DCTN1: variants seen among roughly 807,000 people sequenced by gnomAD.
The protein encoded by DCTN1 is 150 kDa dynein-associated polypeptide.
In DCTN1, 61 loss-of-function variants were observed where a neutral mutation model predicts 161.2. The observed-to-expected ratio is 0.38, with a 90% CI of 0.31 to 0.47. The LOEUF is 0.47. DCTN1 is among the 20% of genes least tolerant of loss of function. The pLI is 0.99. For missense variants in DCTN1, 1,404 were observed against 1,623.7 expected (o/e 0.86, Z 2.33); for synonymous variants, 653 against 632.4 (o/e 1.03, Z -0.49).
chr2:74,372,361 G>A (rs746058615), intron 7 of DCTN1, among the ~76,000 whole-genome samples: 5 of 152,260 alleles, frequency 3.3e-5, no homozygotes, highest in African/African-American at 9.6e-5. Context: ...ACAACTCTTC[G>A]TCATCTCCCC....
chr2:74,390,527 T>C, intron 1 of DCTN1: 1 of 386,266 alleles, frequency 2.6e-6, no homozygotes, highest in Non-Finnish European at 5.6e-6. Context: ...TCGACTAGAC[T>C]CACAGAATTT....
chr2:74,380,335 T>C (rs1016041946), upstream of DCTN1: 1 of 548,208 alleles, frequency 1.8e-6, no homozygotes, highest in Non-Finnish European at 3.4e-6. Flanking sequence ...TCTAGACTTG[T>C]CAGGAACCGT....
chr2:74,364,560 G>C (rs2104403913), intron 26 of DCTN1: 1 of 231,788 alleles, frequency 4.3e-6, no homozygotes, highest in Non-Finnish European at 8.6e-6. Flanking sequence ...ACTATACTGA[G>C]TGACTAGACA....
At position 74,371,822 on chromosome 2, in the gene DCTN1, G is replaced by C. The variant is rs1401062564; in HGVS notation, c.454-94C>G. The stretch of plus-strand genomic sequence containing the variant: ...AGAATATGAGAATATGGCAAGGGAA[G>C]GAGACAGAAAAGGGAAAAAGCAGAA... On this transcript the variant is annotated intron_variant, in intron 7 of 31. Transcript: ENST00000628224. The C allele has an allele frequency of 3.8e-6, 4 of 1,045,788 alleles. No homozygotes were observed. The East Asian group carries it at 1.0e-4, about 26-fold the overall frequency. The allele number at this position is 1,045,788 out of a possible 1,614,324, so 64.8% of individuals were successfully genotyped here.
chr2:74,382,710 T>C (rs1216165888), upstream of DCTN1, among the ~76,000 whole-genome samples: 2 of 151,816 alleles, frequency 1.3e-5, no homozygotes, highest in East Asian at 1.9e-4. Flanking sequence ...TAAGAAATTA[T>C]AGACAGGAGA....
intron 16 of DCTN1, 29 bp downstream of exon 16, chr2:74,368,699 C>A: frequency 1.9e-6 from 3 of 1,614,240 alleles, no homozygotes; most frequent in Non-Finnish European, 2.5e-6. Context: ...CACTAGATTT[C>A]TGTGGAACAT....
chr2:74,380,464 G>C (rs1675466627), upstream of DCTN1: 2 of 478,278 alleles, frequency 4.2e-6, no homozygotes, highest in Non-Finnish European at 8.6e-6. Context: ...GCTGGAAGCA[G>C]TCTTGACACG....
rs766531179 is a variant in DCTN1, at chr2:74,370,206, T to C, written c.1267A>G (p.Ile423Val). 1.9e-6 allele frequency: 3 copies of C among 1,613,948 alleles called. No individual in the cohort carries two copies. The highest frequency in any genetic ancestry group is 2.5e-6 in the Non-Finnish European group (3 of 1,180,044). ...CAGACCTGCTCCTTGAGCTCATCAA[T>C]GGTGCTCTCTGCCTGGCTTAGCTCC... is the stretch of plus-strand genomic sequence containing the variant. ...QEELSQAEST[I>V]DELKEQVDAA... is the part of the protein sequence containing the mutation. The change falls in exon 12 of 32, where the codon ATT becomes GTT. Residue 423 changes from isoleucine (I) to valine (V), a missense_variant. By Grantham distance (29) the Ile-to-Val change is conservative. Transcript: ENST00000628224. This position sits in a 1 kb window ranked among gnomAD's most constrained non-coding sequence, Gnocchi z 4.4.
rs1573152954 is a variant in DCTN1 at position 74,366,822 on chromosome 2, A to C, written c.2427T>G (p.Asp809Glu). The C allele has an allele frequency of 1.2e-6, 2 of 1,614,250 alleles. No homozygotes were observed. The highest frequency in any genetic ancestry group is 1.1e-5 in the South Asian group (1 of 91,084). Residue 809 changes from aspartate to glutamate, a missense_variant, in exon 21 of 32, where the codon GAT becomes GAG. Coordinates refer to ENST00000628224, the MANE Select transcript of DCTN1 (RefSeq NM_004082.5). ...CCAGTGCAGCTGGGATCCCAGGAGC[A>C]TCTGTCCCTGGCATTCGCCTTCGGA... ...KKIRRRMPGT[D>E]APGIPAALAF...
At chr2:74,377,888 T>C in intron 2 of DCTN1, 112 bp downstream of exon 2, 2 of 1,528,408 alleles carry the variant, frequency 1.3e-6, no homozygotes, top group Non-Finnish European at 1.8e-6. Context: ...CCTTCCACTC[T>C]CCCAACCAGA....
chr2:74,372,488 C>G (rs1032109763), intron 7 of DCTN1, among the ~76,000 whole-genome samples: 1 of 152,220 alleles, frequency 6.6e-6, no homozygotes, highest in Non-Finnish European at 1.5e-5. Flanking sequence ...AAGTGCTGAG[C>G]CCCAAGGTCT....
At chr2:74,377,372 C>G in intron 4 of DCTN1, 60 bp downstream of exon 4, 2 of 1,440,904 alleles carry the variant, frequency 1.4e-6, no homozygotes, top group Non-Finnish European at 2.0e-6. Flanking sequence ...ACTGGGTATC[C>G]CTCCTCTTTC....
Position 74,372,909 on chromosome 2 carries a change from CAG to C in DCTN1, c.453+17_453+18del, listed in dbSNP as rs777845899. 1.9e-6 allele frequency: 3 copies of C among 1,613,868 alleles called. No homozygotes were observed. The highest frequency in any genetic ancestry group is 1.1e-5 in the South Asian group (1 of 91,074). ...TGTGTACACTCAGCAGTGGCTCACA[CAG>C]GGGCCTGTTTTCTCACCTTGGGTCG... On this transcript the variant is annotated intron_variant, in intron 7 of 31. Coordinates refer to ENST00000628224, the MANE Select transcript of DCTN1 (RefSeq NM_004082.5).
chr2:74,384,035 ACT>A (rs1270305349), upstream of DCTN1, among the ~76,000 whole-genome samples: 3 of 152,206 alleles, frequency 2.0e-5, no homozygotes, highest in Non-Finnish European at 4.4e-5. Context: ...GAATAAATAC[ACT>A]CAGGAGTTTT....
At chr2:74,387,350 T>C (rs1319247224) in intron 1 of DCTN1, among the ~76,000 whole-genome samples, 3 of 150,794 alleles carry the variant, frequency 2.0e-5, no homozygotes, top group Non-Finnish European at 4.4e-5. Flanking sequence ...ACCTCAACCA[T>C]TCCCACAACT....
In DCTN1 at chr2:74,365,985, G is replaced by A. The variant is rs373818927; in HGVS notation, c.2794C>T (p.Arg932Cys). 1.4e-5 allele frequency: 23 copies of A among 1,614,108 alleles called. No homozygotes were observed. Among genetic ancestry groups the A allele is most frequent in the South Asian group, 6.6e-5 (6 of 91,084 alleles). ...CCTTCAGCATCTGTGATCTCTGCAC[G>A]AAGGGCAGCAGCCCGCAGTTCAACC... ...PPVELRAAAL[R>C]AEITDAEGLG... The change falls in exon 24 of 32, where the codon CGT (arginine) becomes TGT (cysteine). Residue 932 changes from arginine (R) to cysteine (C), a missense_variant. Around this residue, in one of 9 missense-constraint regions of DCTN1, gnomAD observed 475 missense variants for 489.8 expected, o/e 0.97. Coordinates refer to ENST00000628224, the MANE Select transcript of DCTN1 (RefSeq NM_004082.5).
At chr2:74,373,324 A>G in intron 6 of DCTN1, 1 of 339,926 alleles carries the variant, frequency 2.9e-6, no homozygotes, top group South Asian at 2.7e-5. Flanking sequence ...TCCAGTCCAG[A>G]GCCAGAGGCC....
intron 5 of DCTN1, among the ~76,000 whole-genome samples, chr2:74,375,752 C>T: frequency 6.6e-6 from 1 of 152,122 alleles, no homozygotes; most frequent in South Asian, 2.1e-4. Context: ...TCCTTATATC[C>T]CCATTCCCTA....
At chr2:74,390,285 T>A (rs1675934367) in intron 1 of DCTN1, among the ~76,000 whole-genome samples, 1 of 152,206 alleles carries the variant, frequency 6.6e-6, no homozygotes, top group South Asian at 2.1e-4. Context: ...GGAAGACGGG[T>A]AACACTTCTT....
Sources: gnomAD v4.1 joint callset for allele counts (sites outside exome capture counted in the v4.1 genomes callset) on GRCh38, gnomAD v4.1.1 for gene constraint, gnomAD v4.1.1 regional missense constraint, Gnocchi (gnomAD v3.1) non-coding constraint, MANE v1.5 for transcripts, NCBI Gene and HGNC (gene_info 2026-07-23, HGNC 2026-07-21) for gene names.